Variants in ARHGAP40 observed in about 807,000 individuals in gnomAD.
ARHGAP40 encodes Rho GTPase activating protein 40.
A neutral mutation model predicts 73.5 loss-of-function variants in ARHGAP40; 43 were observed. The observed-to-expected ratio is 0.58, with a 90% CI of 0.46 to 0.75. The LOEUF (loss-of-function observed/expected upper bound fraction) is 0.75. Ranked by LOEUF, ARHGAP40 falls within the 30% of genes least tolerant of loss-of-function variation. ARHGAP40 has a pLI of 0.00. For synonymous variants in ARHGAP40, 300 were observed against 352.8 expected (o/e 0.85, Z 1.68); for missense variants, 734 against 861.8 (o/e 0.85, Z 1.86).
At chr20:38,647,454 G>A (rs187996176) in intron 13 of ARHGAP40, among the ~76,000 whole-genome samples, 24 of 152,218 alleles carry the variant, frequency 1.6e-4, no homozygotes, top group Non-Finnish European at 2.9e-4. Context: ...GCAGTGGCTC[G>A]ATCTTGGCTC....
At chr20:38,632,526 G>C (rs537649046) in intron 5 of ARHGAP40, among the ~76,000 whole-genome samples, 1 of 152,078 alleles carries the variant, frequency 6.6e-6, no homozygotes, top group African/African-American at 2.4e-5. Context: ...CTCCCAAAGT[G>C]CTGGGATTAC....
chr20:38,627,024 G>A, exon 3 of ARHGAP40: 1 of 1,304,754 alleles, frequency 7.7e-7, no homozygotes, highest in Non-Finnish European at 1.0e-6. Context: ...GTGGCTGCAG[G>A]ACACAGGCCT....
At chr20:38,638,427 C>A (rs1008764066) in intron 7 of ARHGAP40, among the ~76,000 whole-genome samples, 18 of 152,038 alleles carry the variant, frequency 1.2e-4, no homozygotes, top group African/African-American at 4.1e-4. Flanking sequence ...CTCAAGTGAT[C>A]CTTGGGGTGG....
At chr20:38,648,751 C>T (rs190095041) in intron 14 of ARHGAP40, 53 bp downstream of exon 14, 37 of 1,288,474 alleles carry the variant, frequency 2.9e-5, no homozygotes, top group African/African-American at 6.1e-5. Context: ...GGGAGTTCTT[C>T]GACCTCAAAG....
intron 1 of ARHGAP40, among the ~76,000 whole-genome samples, chr20:38,613,296 T>G (rs2088814641): frequency 6.6e-6 from 1 of 152,084 alleles, no homozygotes; most frequent in South Asian, 2.1e-4. Context: ...CCCCCATCCA[T>G]CTAAAAAATG....
At chr20:38,644,661 A>C in intron 11 of ARHGAP40, among the ~76,000 whole-genome samples, 1 of 90,318 alleles carries the variant, frequency 1.1e-5, no homozygotes, top group Non-Finnish European at 2.1e-5. Flanking sequence ...CCATCTACTT[A>C]CCCACCCATC....
intron 8 of ARHGAP40, 30 bp downstream of exon 8, chr20:38,638,868 G>A (rs776054441): frequency 1.5e-6 from 2 of 1,299,100 alleles, no homozygotes; most frequent in Admixed American, 2.3e-5. Flanking sequence ...GCTTCACTGA[G>A]GCTGCATCTC....
rs906165595 is a variant in ARHGAP40 at position 38,614,883 on chromosome 20, C to T, written c.138-8476C>T. 8.7e-6 allele frequency: 11 copies of T among 1,267,958 alleles called. No homozygotes were observed. The Admixed American group carries it at 1.7e-4, about 19-fold the overall frequency. The allele number at this position is 1,267,958 out of a possible 1,614,324, so 78.5% of individuals were successfully genotyped here. A position where few individuals can be genotyped will look rare whatever the true frequency, so the allele number is the denominator to read the frequency against. On this transcript the variant is annotated intron_variant, in intron 1 of 14. Transcript: ENST00000373345. Reference sequence around the variant, plus strand: ...TCATCACGTCCTGAGCGTCACATCCCCCAGCAAGCTGCCTGCACCAGGCCT... The same window carrying T: ...TCATCACGTCCTGAGCGTCACATCCTCCAGCAAGCTGCCTGCACCAGGCCT...
chr20:38,603,539 A>G (rs1178504043), intron 1 of ARHGAP40, among the ~76,000 whole-genome samples: 1 of 151,672 alleles, frequency 6.6e-6, no homozygotes, highest in Non-Finnish European at 1.5e-5. Context: ...TCATCTATCT[A>G]TGTTTCCTAT....
intron 1 of ARHGAP40, chr20:38,615,052 C>CA: frequency 3.1e-6 from 3 of 963,912 alleles, no homozygotes; most frequent in Admixed American, 1.7e-5. Flanking sequence ...GCATGTGCCT[C>CA]CTGTTGCCTC....
chr20:38,640,158 T>C (rs58732615), intron 9 of ARHGAP40, among the ~76,000 whole-genome samples: 2,240 of 144,404 alleles, frequency 0.016, 46 homozygotes, highest in African/African-American at 0.049. Context: ...TTCCTCTTCT[T>C]TCTTCTTTCT....
chr20:38,627,634 GGT>G (rs1491179335), intron 3 of ARHGAP40, among the ~76,000 whole-genome samples: 4 of 93,934 alleles, frequency 4.3e-5, no homozygotes, highest in South Asian at 3.5e-4. Context: ...TGTGTGTTGG[GGT>G]GTGTGTGGGG....
At position 38,629,547 on chromosome 20, in the gene ARHGAP40, C is replaced by A. The variant is rs983848149; in HGVS notation, c.680C>A (p.Ala227Asp). ...CAGGAGCAGGCTGGGAGGGAAGAAG[C>A]CTTCAACATGGACTCTGCCTACTCA... Residue 227 changes from alanine (A) to aspartate (D), a missense_variant, in exon 5 of 15, where the codon GCC becomes GAC. By Grantham distance (126) the Ala-to-Asp change is moderately radical. Coordinates refer to ENST00000373345, the Ensembl canonical transcript of ARHGAP40. 6.6e-5 allele frequency: 86 copies of A among 1,305,298 alleles called. No homozygotes were observed. The highest frequency in any genetic ancestry group is 8.4e-5 in the Non-Finnish European group (83 of 988,964). The allele number at this position is 1,305,298 out of a possible 1,614,324, so 80.9% of individuals were successfully genotyped here. A position where few individuals can be genotyped will look rare whatever the true frequency, so the allele number is the denominator to read the frequency against.
chr20:38,628,484 T>G (rs1310370214), intron 3 of ARHGAP40, among the ~76,000 whole-genome samples: 2 of 152,156 alleles, frequency 1.3e-5, no homozygotes, highest in Non-Finnish European at 2.9e-5. Flanking sequence ...TTTTGTATTT[T>G]TAGTAGAGAC....
At chr20:38,605,496 C>G (rs1363220796) in intron 1 of ARHGAP40, among the ~76,000 whole-genome samples, 2 of 152,218 alleles carry the variant, frequency 1.3e-5, no homozygotes, top group Non-Finnish European at 2.9e-5. Context: ...TAAAACCATG[C>G]AATATTGGCC....
intron 1 of ARHGAP40, among the ~76,000 whole-genome samples, chr20:38,616,110 C>A (rs1413878189): frequency 6.6e-6 from 1 of 152,224 alleles, no homozygotes; most frequent in African/African-American, 2.4e-5. Flanking sequence ...CATACCTGGG[C>A]TTGCCCAGAG....
intron 5 of ARHGAP40, among the ~76,000 whole-genome samples, chr20:38,633,803 G>A (rs549917267): frequency 6.6e-6 from 1 of 152,212 alleles, no homozygotes; most frequent in Admixed American, 6.5e-5. Context: ...GATTCCCAAG[G>A]TGGCCTCTAG....
chr20:38,602,147 T>G (rs894533348), intron 1 of ARHGAP40, 68 bp downstream of exon 1: 153 of 1,217,546 alleles, frequency 1.3e-4, no homozygotes, highest in Middle Eastern at 7.0e-4. Flanking sequence ...GCGGTCTGTC[T>G]TCACAACATC....
At chr20:38,611,413 C>CTTT (rs11482396) in intron 1 of ARHGAP40, among the ~76,000 whole-genome samples, 31 of 118,274 alleles carry the variant, frequency 2.6e-4, no homozygotes, top group East Asian at 5.1e-4. Flanking sequence ...CTATTTAAAA[C>CTTT]TTTTTTTTTT....
Sources: gnomAD v4.1 joint callset for allele counts (sites outside exome capture counted in the v4.1 genomes callset) on GRCh38, gnomAD v4.1.1 for gene constraint, MANE v1.5 for transcripts, NCBI Gene and HGNC (gene_info 2026-07-23, HGNC 2026-07-21) for gene names.